The following KNTC1 variants were observed in gnomAD, a reference collection of about 807,000 sequenced individuals.
The protein encoded by KNTC1 is kinetochore-associated protein 1.
KNTC1 carries 253 observed loss-of-function variants against 314.4 expected under a neutral mutation model. That is an observed-to-expected ratio of 0.80 (90% CI 0.73 to 0.89). The LOEUF (loss-of-function observed/expected upper bound fraction) is 0.89, where lower values mean the gene tolerates loss of function less well. KNTC1 is among the 40% of genes least tolerant of loss of function. KNTC1 has a pLI of 0.00. For missense variants in KNTC1, 2,475 were observed against 2,572.9 expected, an observed-to-expected ratio of 0.96 and a Z score of 0.82; for synonymous variants, 901 against 901.4, an observed-to-expected ratio of 1.00 and a Z score of 0.01.
intron 43 of KNTC1, among the ~76,000 whole-genome samples, chr12:122,596,660 G>C (rs1275790742): frequency 6.6e-6 from 1 of 152,010 alleles, no homozygotes; most frequent in African/African-American, 2.4e-5. Flanking sequence ...TGGTGACATA[G>C]TGAGAGCCCC....
chr12:122,539,095 AAC>A (rs1962079370), intron 4 of KNTC1, among the ~76,000 whole-genome samples: 3 of 152,322 alleles, frequency 2.0e-5, no homozygotes, highest in South Asian at 4.1e-4. Context: ...CCACTTTAAC[AAC>A]TTTGGGAGAA....
intron 3 of KNTC1, 28 bp from the exon 4 acceptor site, chr12:122,538,311 G>A (rs763138664): frequency 3.1e-6 from 4 of 1,270,962 alleles, no homozygotes; most frequent in Non-Finnish European, 4.4e-6. Context: ...TTCGAAGGAA[G>A]CTTGTAACTT....
intron 42 of KNTC1, 22 bp from the exon 43 acceptor site, chr12:122,594,254 G>C (rs780763526): frequency 7.1e-7 from 1 of 1,413,168 alleles, no homozygotes; most frequent in East Asian, 2.3e-5. Context: ...TTTTTGCTTT[G>C]TTTTTTTCTT....
intron 4 of KNTC1, among the ~76,000 whole-genome samples, chr12:122,538,964 A>G (rs1287102638): frequency 6.6e-6 from 1 of 152,260 alleles, no homozygotes; most frequent in African/African-American, 2.4e-5. Flanking sequence ...GTGAAAGGCC[A>G]GGGTTGAAGT....
Position 122,594,364 on chromosome 12 carries a change from G to T in KNTC1, c.4334G>T (p.Ser1445Ile). The part of the protein sequence containing the change: ...ALVENIDMDT[S>I]LILEYCSTFQ... Reference sequence around the variant, plus strand: ...GTGGAGAATATAGATATGGACACAAGCCTCATTTTGGAATATTGCAGGTAA... The same window carrying T: ...GTGGAGAATATAGATATGGACACAATCCTCATTTTGGAATATTGCAGGTAA... Residue 1445 changes from serine (S) to isoleucine (I), a missense_variant, in exon 43 of 64, where the codon AGC (serine) becomes ATC (isoleucine). By Grantham distance (142) the Ser-to-Ile change is moderately radical. Transcript: ENST00000333479. 6.3e-7 allele frequency: 1 copy of T among 1,592,310 alleles called. No homozygotes were observed.
At chr12:122,591,284 A>G in intron 41 of KNTC1, 53 bp from the exon 42 acceptor site, 1 of 904,760 alleles carries the variant, frequency 1.1e-6, no homozygotes, top group Non-Finnish European at 1.9e-6. Flanking sequence ...AAAAGGTGTT[A>G]TAAGAATACA....
chr12:122,597,654 C>T, intron 43 of KNTC1, 77 bp from the exon 44 acceptor site: 1 of 1,181,958 alleles, frequency 8.5e-7, no homozygotes, highest in Middle Eastern at 2.6e-4. Context: ...AAGCATGTAC[C>T]CAAGTGTTTT....
chr12:122,612,174 T>C (rs1873207184), intron 53 of KNTC1, among the ~76,000 whole-genome samples: 1 of 151,488 alleles, frequency 6.6e-6, no homozygotes, highest in Non-Finnish European at 1.5e-5. Context: ...CAAGCAATTC[T>C]CCTGCCTCAG....
At position 122,590,723 on chromosome 12, in the gene KNTC1, C is replaced by A; in HGVS notation, c.4116C>A (p.Tyr1372Ter). The change falls in exon 41 of 64, where the codon TAC (tyrosine) becomes TAA (stop). Residue 1372 changes from tyrosine to a stop codon, truncating the protein, a stop_gained. Transcript: ENST00000333479. LOFTEE classifies it high-confidence loss of function. ...TCATAGATAAAGCATGGCAGAATTA[C>A]GACAAAATCTTGGTATGTCCTAAGG... ...WKLIDKAWQN[Y>*]DKILAISLVG... 6.2e-7 allele frequency: 1 copy of A among 1,612,512 alleles called. No individual in the cohort carries two copies. The highest frequency in any genetic ancestry group is 8.5e-7 in the Non-Finnish European group (1 of 1,179,116).
chr12:122,550,979 C>T (rs922841286), intron 13 of KNTC1, among the ~76,000 whole-genome samples: 4 of 152,214 alleles, frequency 2.6e-5, no homozygotes, highest in East Asian at 3.9e-4. Flanking sequence ...TTAAGAGGCT[C>T]ATGGTATCCA....
Position 122,551,513 on chromosome 12 carries a change from C to G in KNTC1, c.1186C>G (p.Pro396Ala). The G allele has an allele frequency of 6.2e-7, 1 of 1,603,576 alleles. No individual in the cohort carries two copies. Among genetic ancestry groups the G allele is most frequent in the Non-Finnish European group, 8.5e-7 (1 of 1,174,060 alleles). ...LVLRCLTEAL[P>A]ENRLSRLLHK... ...ACTCAGATGTCTTACGGAAGCTTTA[C>G]CAGAAAACAGGTAACTTCTCATTTT... The change falls in exon 15 of 64, where the codon CCA becomes GCA. Residue 396 changes from proline (P) to alanine (A), a missense_variant. Transcript: ENST00000333479.
At chr12:122,562,602 A>G (rs983962259) in intron 19 of KNTC1, 36 bp from the exon 20 acceptor site, 4 of 1,195,950 alleles carry the variant, frequency 3.3e-6, no homozygotes, top group Non-Finnish European at 4.9e-6. Flanking sequence ...ATATTGTTGC[A>G]TATAAATTCA....
chr12:122,582,781 T>G lies in KNTC1; in HGVS notation c.3059T>G (p.Ile1020Ser). 6.2e-7 allele frequency: 1 copy of G among 1,612,916 alleles called. No individual in the cohort carries two copies. The highest frequency in any genetic ancestry group is 8.5e-7 in the Non-Finnish European group (1 of 1,179,580). Reference sequence around the variant, plus strand: ...GTAGCAGATCTCCGTGAGCAGCACATTAAAGCTCACGAAGTTGCACAGGCG... The same window carrying G: ...GTAGCAGATCTCCGTGAGCAGCACAGTAAAGCTCACGAAGTTGCACAGGCG... ...SLVADLREQHIKAHEVAQAKH... is the reference protein window; with the variant it reads ...SLVADLREQHSKAHEVAQAKH... The change falls in exon 34 of 64, where the codon ATT becomes AGT. Residue 1020 changes from isoleucine (I) to serine (S), a missense_variant. Transcript: ENST00000333479.
chr12:122,604,813 G>A, intron 49 of KNTC1, 64 bp from the exon 50 acceptor site: 1 of 1,467,314 alleles, frequency 6.8e-7, no homozygotes, highest in Non-Finnish European at 9.3e-7. Flanking sequence ...GATAAAGATG[G>A]ATGCTTGGCT....
chr12:122,585,542 CTTAAAA>C, intron 36 of KNTC1, 88 bp from the exon 37 acceptor site: 1 of 1,381,322 alleles, frequency 7.2e-7, no homozygotes. Flanking sequence ...TAGAGTTTAA[CTTAAAA>C]TGAAATTTCT....
At chr12:122,563,681 G>GAGT in intron 20 of KNTC1, 1 of 949,768 alleles carries the variant, frequency 1.1e-6, no homozygotes. Flanking sequence ...CTATCCTATT[G>GAGT]AGTAATAGCC....
intron 16 of KNTC1, among the ~76,000 whole-genome samples, chr12:122,554,076 A>AAAATATATATATATATATATATATATAT (rs370146333): frequency 6.4e-5 from 7 of 109,050 alleles, no homozygotes; most frequent in African/African-American, 2.3e-4. Flanking sequence ...AAAAAAAAAA[A>AAAATATATATATATATATATATATATAT]ATATATATAT....
intron 16 of KNTC1, among the ~76,000 whole-genome samples, chr12:122,554,074 A>AT (rs71445282): frequency 0.071 from 4,965 of 70,334 alleles, 121 homozygotes; most frequent in South Asian, 0.14. Flanking sequence ...TAAAAAAAAA[A>AT]AAATATATAT....
chr12:122,616,716 A>G (rs1270836123), intron 57 of KNTC1, among the ~76,000 whole-genome samples: 1 of 152,184 alleles, frequency 6.6e-6, no homozygotes, highest in Non-Finnish European at 1.5e-5. Context: ...GCACATGTAG[A>G]TCTATCTAAT....
Sources: allele counts gnomAD v4.1 joint callset (sites outside exome capture counted in the v4.1 genomes callset), GRCh38; gene constraint gnomAD v4.1.1; transcripts MANE v1.5; gene names NCBI Gene and HGNC (gene_info 2026-07-23, HGNC 2026-07-21).